VAC14: variants seen among roughly 807,000 people sequenced by gnomAD.
The protein encoded by VAC14 is protein VAC14 homolog.
In VAC14, 47 loss-of-function variants were observed where a neutral mutation model predicts 85.3. The ratio of observed to expected loss-of-function variants is 0.55; its 90% CI spans 0.44 to 0.70. VAC14 has a LOEUF of 0.70. Ranked by LOEUF, VAC14 falls within the 30% of genes least tolerant of loss-of-function variation. The pLI, the probability that VAC14 is intolerant of heterozygous loss-of-function variation, is 0.00. For synonymous variants in VAC14, 447 were observed against 430.5 expected (o/e 1.04, Z -0.47); for missense variants, 861 against 1,004.3 (o/e 0.86, Z 1.93).
chr16:70,708,628 A>G (rs2053968082), intron 14 of VAC14, among the ~76,000 whole-genome samples: 1 of 152,194 alleles, frequency 6.6e-6, no homozygotes, highest in Non-Finnish European at 1.5e-5. Context: ...CACACCCCAG[A>G]ATACGGCTGG....
intron 14 of VAC14, among the ~76,000 whole-genome samples, chr16:70,706,984 C>T (rs2053932880): frequency 6.6e-6 from 1 of 152,184 alleles, no homozygotes. Context: ...CGGAAAAGGG[C>T]CTCCTCCCTG....
In VAC14 at chr16:70,796,657, T is replaced by C. The variant is rs535615255; in HGVS notation, c.104+4140A>G. ...CCATAGGGCAGCGATGCAAAATAAATGAGATGAGGGGTATACCATGGCCAA... is the reference window on the plus strand; with the variant it reads ...CCATAGGGCAGCGATGCAAAATAAACGAGATGAGGGGTATACCATGGCCAA... On this transcript the variant is annotated intron_variant, in intron 1 of 18. Coordinates refer to ENST00000261776, the MANE Select transcript of VAC14 (RefSeq NM_018052.5). Among the ~76,000 whole-genome samples, 7 of 152,224 alleles carry C rather than the reference T, an allele frequency of 4.6e-5. No individual in the cohort carries two copies. In the East Asian group the frequency reaches 7.7e-4, roughly 17 times the overall value.
At position 70,692,893 on chromosome 16, in the gene VAC14, G is replaced by C. The variant is rs770768430; in HGVS notation, c.2114C>G (p.Pro705Arg). ...GAGCAGCTGGAAGGCGCTGCTCTGC[G>C]GCAGGAGCATGAGCAGGCCGTAGAG... ...KALYGLLMLL[P>R]QSSAFQLLSH... Residue 705 changes from proline (P) to arginine (R), a missense_variant, in exon 18 of 19, where the codon CCG (proline) becomes CGG (arginine). By Grantham distance (103) the Pro-to-Arg change is moderately radical. Around this residue, in one of 3 missense-constraint regions of VAC14, gnomAD observed 163 missense variants for 162.2 expected, o/e 1.00. Transcript: ENST00000261776. The C allele has an allele frequency of 6.2e-7, 1 of 1,609,018 alleles. No homozygotes were observed. The highest frequency in any genetic ancestry group is 8.5e-7 in the Non-Finnish European group (1 of 1,178,762).
chr16:70,733,367 T>C (rs574097819), intron 13 of VAC14, among the ~76,000 whole-genome samples: 2 of 152,320 alleles, frequency 1.3e-5, no homozygotes, highest in South Asian at 2.1e-4. Flanking sequence ...GGCTATTCTA[T>C]ATTTTGTTTG....
At chr16:70,763,413 C>A (rs2032566655) in intron 10 of VAC14, among the ~76,000 whole-genome samples, 1 of 152,216 alleles carries the variant, frequency 6.6e-6, no homozygotes, top group African/African-American at 2.4e-5. Flanking sequence ...ACTGAGCTGA[C>A]CTGACCAGGC....
intron 1 of VAC14, among the ~76,000 whole-genome samples, chr16:70,800,047 T>C (rs554847450): frequency 2.0e-4 from 30 of 152,306 alleles, no homozygotes; most frequent in Middle Eastern, 3.4e-3. Flanking sequence ...TTCTTTCCAA[T>C]TTTCTGAAAT....
intron 12 of VAC14, among the ~76,000 whole-genome samples, chr16:70,752,683 C>T (rs372471665): frequency 2.4e-4 from 36 of 152,350 alleles, no homozygotes; most frequent in African/African-American, 5.3e-4. Context: ...TTGCAAGCTA[C>T]GCACAGTCCC....
intron 14 of VAC14, among the ~76,000 whole-genome samples, chr16:70,702,300 C>A (rs2053844110): frequency 6.6e-6 from 1 of 152,340 alleles, no homozygotes; most frequent in South Asian, 2.1e-4. Flanking sequence ...CAGCTCATCC[C>A]AGGAGACTCT....
At chr16:70,693,183 C>T (rs2142986407) in intron 17 of VAC14, among the ~76,000 whole-genome samples, 1 of 152,318 alleles carries the variant, frequency 6.6e-6, no homozygotes. Flanking sequence ...CCCCCACCTC[C>T]CCCAGGAGTG....
chr16:70,731,923 T>G (rs1331813548), intron 13 of VAC14, among the ~76,000 whole-genome samples: 1 of 152,078 alleles, frequency 6.6e-6, no homozygotes, highest in African/African-American at 2.4e-5. Flanking sequence ...CTAAACCACT[T>G]AGTGAACATC....
Position 70,800,903 on chromosome 16 carries a change from T to G in VAC14, c.-3A>C. The G allele has an allele frequency of 1.3e-6, 2 of 1,583,012 alleles. No homozygotes were observed. The highest frequency in any genetic ancestry group is 1.7e-6 in the Non-Finnish European group (2 of 1,163,780). On this transcript the variant is annotated 5_prime_UTR_variant, in exon 1 of 19. Coordinates refer to ENST00000261776, the MANE Select transcript of VAC14 (RefSeq NM_018052.5). ...GCGAAATCCTTCTCGGGGTTCATGG[T>G]GGCAGCTGGGGGAACCTCGCGACTC...
At chr16:70,785,927 G>A (rs182310428) in intron 2 of VAC14, 58 bp from the exon 3 acceptor site, 5 of 1,527,586 alleles carry the variant, frequency 3.3e-6, no homozygotes, top group Admixed American at 2.0e-5. Context: ...AGGCCCTGCA[G>A]CCTGCAGTGC....
intron 10 of VAC14, among the ~76,000 whole-genome samples, chr16:70,767,215 A>G (rs1409399371): frequency 2.0e-5 from 3 of 152,258 alleles, no homozygotes; most frequent in Non-Finnish European, 4.4e-5. Flanking sequence ...GATTTACTGA[A>G]TAATGCTTCT....
intron 9 of VAC14, chr16:70,778,589 G>A (rs1318228089): frequency 6.6e-6 from 1 of 152,088 alleles, no homozygotes; most frequent in Non-Finnish European, 1.5e-5. Flanking sequence ...AAGAAACCGG[G>A]CATCTGTAAG....
intron 14 of VAC14, among the ~76,000 whole-genome samples, chr16:70,722,468 C>T (rs368578846): frequency 1.2e-4 from 19 of 152,282 alleles, no homozygotes; most frequent in Admixed American, 5.2e-4. Context: ...GTTTCTGTGA[C>T]GGGGCCAGGG....
intron 12 of VAC14, among the ~76,000 whole-genome samples, chr16:70,756,316 G>A (rs1056045313): frequency 2.0e-5 from 3 of 152,176 alleles, no homozygotes; most frequent in African/African-American, 7.2e-5. Context: ...GGCAAGCCCC[G>A]ATCTGCTTCT....
chr16:70,765,669 T>A (rs1241270275), intron 10 of VAC14, among the ~76,000 whole-genome samples: 1 of 152,200 alleles, frequency 6.6e-6, no homozygotes, highest in Non-Finnish European at 1.5e-5. Context: ...CACAGCCTCC[T>A]GACCAGGGCA....
At chr16:70,727,893 G>A (rs1307539335) in intron 14 of VAC14, among the ~76,000 whole-genome samples, 1 of 152,238 alleles carries the variant, frequency 6.6e-6, no homozygotes, top group East Asian at 1.9e-4. Flanking sequence ...TGCTGGCAGA[G>A]TGGGCAGCAG....
Position 70,722,595 on chromosome 16 carries a change from CAA to C in VAC14, c.1661+8898_1661+8899del, listed in dbSNP as rs149292219. On this transcript the variant is annotated intron_variant, in intron 14 of 18. Coordinates refer to ENST00000261776, the MANE Select transcript of VAC14 (RefSeq NM_018052.5). The stretch of plus-strand genomic sequence containing the variant: ...GAAACACGCTGAAAGGACACCGGGA[CAA>C]GAGAAAGAGCTTCCTGAGAAACGCA... Among the ~76,000 whole-genome samples the C allele has an allele frequency of 8.9e-3, 1,352 of 152,246 alleles. 18 individuals are homozygous for C. The highest frequency in any genetic ancestry group is 0.031 in the African/African-American group (1,298 of 41,522).
Sources: allele counts gnomAD v4.1 joint callset (sites outside exome capture counted in the v4.1 genomes callset), GRCh38; gene constraint gnomAD v4.1.1; regional missense constraint gnomAD v4.1.1; transcripts MANE v1.5; gene names NCBI Gene and HGNC (gene_info 2026-07-23, HGNC 2026-07-21).